Variants in ZBTB20 observed in about 807,000 individuals in gnomAD.
ZBTB20 encodes zinc finger and BTB domain containing 20.
Under a neutral mutation model 56.9 loss-of-function variants are expected in ZBTB20, and 9 were observed. The ratio of observed to expected loss-of-function variants is 0.16; its 90% CI spans 0.10 to 0.28. The LOEUF (loss-of-function observed/expected upper bound fraction) is 0.28, where lower values mean the gene tolerates loss of function less well. Among genes scored for constraint, ZBTB20 ranks in the 10% least tolerant of loss-of-function variants. ZBTB20 has a pLI of 1.00. For missense variants in ZBTB20, 655 were observed against 1,003.0 expected, an observed-to-expected ratio of 0.65 and a Z score of 4.69; for synonymous variants, 417 against 420.7, an observed-to-expected ratio of 0.99 and a Z score of 0.11.
At chr3:115,136,566 C>A (rs1427316726) in intron 1 of ZBTB20, among the ~76,000 whole-genome samples, 1 of 151,984 alleles carries the variant, frequency 6.6e-6, no homozygotes, top group East Asian at 1.9e-4. Flanking sequence ...CACACTGAAT[C>A]AAACTCACTT....
chr3:114,681,238 C>T (rs987331378), intron 6 of ZBTB20, among the ~76,000 whole-genome samples: 36 of 150,862 alleles, frequency 2.4e-4, no homozygotes, highest in Non-Finnish European at 3.1e-4. Flanking sequence ...TGGCTCACTG[C>T]AACCTCCGTC....
intron 6 of ZBTB20, chr3:114,519,173 C>T (rs2046364287): frequency 6.6e-6 from 1 of 152,188 alleles, no homozygotes; most frequent in Non-Finnish European, 1.5e-5. Flanking sequence ...TTTGTCCTCC[C>T]TGGGTCAACA....
chr3:114,953,689 C>G (rs979789504), intron 3 of ZBTB20, among the ~76,000 whole-genome samples: 8 of 151,998 alleles, frequency 5.3e-5, no homozygotes, highest in African/African-American at 1.9e-4. Flanking sequence ...GCCCTAACAA[C>G]AGAGCTTCAA....
At chr3:115,053,649 T>C (rs2081637843) in intron 2 of ZBTB20, among the ~76,000 whole-genome samples, 1 of 152,124 alleles carries the variant, frequency 6.6e-6, no homozygotes, top group Non-Finnish European at 1.5e-5. Context: ...TTCTACTGTA[T>C]TTCATCCCAA....
intron 4 of ZBTB20, among the ~76,000 whole-genome samples, chr3:114,832,880 C>T (rs567044618): frequency 1.3e-5 from 2 of 152,222 alleles, no homozygotes; most frequent in South Asian, 4.1e-4. Flanking sequence ...GTGAAGGTGA[C>T]TAGACTTATT....
At position 114,914,635 on chromosome 3, in the gene ZBTB20, T is replaced by C. The variant is rs577549990; in HGVS notation, c.-455-14293A>G. ...GTGATGAAAGTGAGCATCCTTGTCA[T>C]GTTCCAGATCTTAGGGTAAAGGCTT... On this transcript the variant is annotated intron_variant, in intron 3 of 11. Coordinates refer to ENST00000675478, the MANE Select transcript of ZBTB20 (RefSeq NM_001348800.3). Among the ~76,000 whole-genome samples the C allele has an allele frequency of 1.8e-3, 275 of 152,194 alleles. 1 individual carries two copies. Among genetic ancestry groups the C allele is most frequent in the African/African-American group, 5.8e-3 (242 of 41,574 alleles).
At chr3:115,048,046 C>G (rs1197747354) in intron 2 of ZBTB20, among the ~76,000 whole-genome samples, 1 of 151,594 alleles carries the variant, frequency 6.6e-6, no homozygotes, top group Non-Finnish European at 1.5e-5. Context: ...CGGTGAAACC[C>G]CAGTCTCTAC....
chr3:114,884,985 A>T (rs2076546360), intron 4 of ZBTB20, among the ~76,000 whole-genome samples: 1 of 152,230 alleles, frequency 6.6e-6, no homozygotes. Flanking sequence ...GGCCAAACTT[A>T]GTTCTGCTTT....
At chr3:115,049,653 T>C (rs1335892664) in intron 2 of ZBTB20, among the ~76,000 whole-genome samples, 1 of 152,170 alleles carries the variant, frequency 6.6e-6, no homozygotes, top group African/African-American at 2.4e-5. Flanking sequence ...TGGAATATTT[T>C]ACTTCAGATT....
chr3:114,764,034 G>T (rs1578761666), intron 5 of ZBTB20, among the ~76,000 whole-genome samples: 1 of 152,068 alleles, frequency 6.6e-6, no homozygotes, highest in African/African-American at 2.4e-5. Context: ...TTTTATGATG[G>T]ATTCAAAACC....
chr3:114,403,749 C>T (rs2087029642), intron 7 of ZBTB20, among the ~76,000 whole-genome samples: 1 of 151,990 alleles, frequency 6.6e-6, no homozygotes, highest in South Asian at 2.1e-4. Flanking sequence ...AGATGATAAT[C>T]CAGATATACA....
chr3:114,814,366 ATC>A (rs1197678503), intron 4 of ZBTB20, among the ~76,000 whole-genome samples: 5 of 151,856 alleles, frequency 3.3e-5, no homozygotes, highest in Admixed American at 6.6e-5. Context: ...AGAGATATCT[ATC>A]TGTCTCTACT....
At chr3:114,726,871 C>T (rs1270103010) in intron 5 of ZBTB20, among the ~76,000 whole-genome samples, 1 of 121,820 alleles carries the variant, frequency 8.2e-6, no homozygotes, top group Non-Finnish European at 1.6e-5. Context: ...GAGATTGTGC[C>T]ACTGCACTCC....
Position 114,336,659 on chromosome 3 carries a change from A to G in ZBTB20, c.*2346T>C, listed in dbSNP as rs975840744. ...CAAGTTAACCAAATGTCTAAAATATATGAATAAAACCAATTTAGTCATTAC... is the reference window on the plus strand; with the variant it reads ...CAAGTTAACCAAATGTCTAAAATATGTGAATAAAACCAATTTAGTCATTAC... On this transcript the variant is annotated 3_prime_UTR_variant, in exon 12 of 12. Transcript: ENST00000675478. 6.6e-6 allele frequency: 1 copy of G among 152,226 alleles called. No individual in the cohort carries two copies. Among genetic ancestry groups the G allele is most frequent in the African/African-American group, 2.4e-5 (1 of 41,456 alleles). 9.4% of individuals were successfully genotyped at this position (152,226 alleles called of 1,614,324 possible). A position where few individuals can be genotyped will look rare whatever the true frequency, so the allele number is the denominator to read the frequency against.
rs541106981 is a variant in ZBTB20, at chr3:114,488,317, A to C, written c.-255+12035T>G. ...AGCAAACAAACCTGTTAGACGGCTC[A>C]TTTGTCTTTTCCAATTTTTTTATTG... On this transcript the variant is annotated intron_variant, in intron 7 of 11. Coordinates refer to ENST00000675478, the MANE Select transcript of ZBTB20 (RefSeq NM_001348800.3). 3.3e-5 allele frequency among the ~76,000 whole-genome samples: 5 copies of C among 152,326 alleles called. No homozygotes were observed. In the East Asian group the frequency reaches 9.6e-4, roughly 29 times the overall value.
chr3:114,634,020 C>T (rs2059117623), intron 6 of ZBTB20, among the ~76,000 whole-genome samples: 1 of 152,086 alleles, frequency 6.6e-6, no homozygotes, highest in Non-Finnish European at 1.5e-5. Context: ...CAAGTTCTAC[C>T]TCATTGATTT....
chr3:114,697,903 CA>C lies in ZBTB20; in HGVS notation c.-342-4329del, dbSNP rs921405616. Among the ~76,000 whole-genome samples, 7 of 152,062 alleles carry C rather than the reference CA, an allele frequency of 4.6e-5. No individual in the cohort carries two copies. The East Asian group carries it at 1.2e-3, about 25-fold the overall frequency. On this transcript the variant is annotated intron_variant, in intron 5 of 11. Coordinates refer to ENST00000675478, the MANE Select transcript of ZBTB20 (RefSeq NM_001348800.3). Reference sequence around the variant, plus strand: ...ACTTTTGGTTATTGTTCAGCTCTCACAAAAAAATGGTCTTGAGCTGGTGACC... The same window carrying C: ...ACTTTTGGTTATTGTTCAGCTCTCACAAAAAATGGTCTTGAGCTGGTGACC...
chr3:114,613,217 A>C (rs2057687214), intron 6 of ZBTB20, among the ~76,000 whole-genome samples: 1 of 152,182 alleles, frequency 6.6e-6, no homozygotes, highest in South Asian at 2.1e-4. Context: ...TTAGGCAAGA[A>C]GACAAAAATA....
chr3:114,938,288 T>C (rs1467926515), intron 3 of ZBTB20, among the ~76,000 whole-genome samples: 1 of 146,154 alleles, frequency 6.8e-6, no homozygotes, highest in Non-Finnish European at 1.5e-5. Context: ...TTAGATCCCA[T>C]TTGTCATTTT....
Sources: allele counts gnomAD v4.1 joint callset (sites outside exome capture counted in the v4.1 genomes callset), GRCh38; gene constraint gnomAD v4.1.1; transcripts MANE v1.5; gene names NCBI Gene and HGNC (gene_info 2026-07-23, HGNC 2026-07-21).